Variants in TTLL11 observed in about 807,000 individuals in gnomAD.
The protein encoded by TTLL11 is tubulin tyrosine ligase like 11.
A neutral mutation model predicts 51.7 loss-of-function variants in TTLL11; 42 were observed. The ratio of observed to expected loss-of-function variants is 0.81; its 90% confidence interval spans 0.64 to 1.05. TTLL11 has a LOEUF of 1.05. Among genes scored for constraint, TTLL11 ranks in the 50% least tolerant of loss-of-function variants. The probability of loss-of-function intolerance (pLI) is 0.00; values close to 1 mark genes in which losing one functional copy is unlikely to be tolerated. For missense variants in TTLL11, 799 were observed against 940.4 expected (o/e 0.85, Z 1.97); for synonymous variants, 381 against 383.5 (o/e 0.99, Z 0.08).
chr9:121,883,521 C>A (rs1435306127), intron 6 of TTLL11, among the ~76,000 whole-genome samples: 1 of 152,168 alleles, frequency 6.6e-6, no homozygotes, highest in Non-Finnish European at 1.5e-5. Flanking sequence ...GAACTCTGGT[C>A]CTATCAAGAT....
At chr9:121,911,856 A>G (rs1840132998) in intron 6 of TTLL11, among the ~76,000 whole-genome samples, 1 of 152,174 alleles carries the variant, frequency 6.6e-6, no homozygotes, top group Non-Finnish European at 1.5e-5. Context: ...GGTGCAGCAA[A>G]TCACCATGGC....
chr9:122,063,160 A>G (rs1052423434), intron 1 of TTLL11, among the ~76,000 whole-genome samples: 10 of 152,366 alleles, frequency 6.6e-5, no homozygotes, highest in Admixed American at 2.0e-4. Flanking sequence ...CCAAAAACTT[A>G]TAACAATGTG....
intron 3 of TTLL11, among the ~76,000 whole-genome samples, chr9:121,999,327 TCATACA>T (rs768021371): frequency 3.9e-5 from 6 of 152,172 alleles, no homozygotes; most frequent in Non-Finnish European, 7.4e-5. Flanking sequence ...GGCTCCAGAC[TCATACA>T]ATGAGATATG....
At chr9:121,949,906 T>C (rs1026091884) in intron 6 of TTLL11, among the ~76,000 whole-genome samples, 2 of 152,074 alleles carry the variant, frequency 1.3e-5, no homozygotes, top group African/African-American at 2.4e-5. Context: ...CCAGGCAACA[T>C]GTCTGGGTCT....
At chr9:122,092,405 G>A (rs1200738029) in intron 1 of TTLL11, among the ~76,000 whole-genome samples, 1 of 152,162 alleles carries the variant, frequency 6.6e-6, no homozygotes, top group Admixed American at 6.5e-5. Context: ...TCTACAAGCA[G>A]AGGCAAATGC....
At chr9:121,857,583 T>C (rs1837867405) in intron 8 of TTLL11, among the ~76,000 whole-genome samples, 1 of 152,356 alleles carries the variant, frequency 6.6e-6, no homozygotes, top group Non-Finnish European at 1.5e-5. Flanking sequence ...CTATTCCACC[T>C]GGTGATGACT....
At chr9:122,031,579 G>A (rs1415338560) in intron 3 of TTLL11, 144 bp downstream of exon 3, 11 of 914,172 alleles carry the variant, frequency 1.2e-5, no homozygotes, top group Non-Finnish European at 1.7e-5. Context: ...TTTGATAGCT[G>A]CCAACACCTA....
intron 8 of TTLL11, among the ~76,000 whole-genome samples, chr9:121,856,906 C>A (rs1241110067): frequency 6.6e-6 from 1 of 152,204 alleles, no homozygotes; most frequent in Non-Finnish European, 1.5e-5. Context: ...GACCACTTAA[C>A]CACAGACTGC....
At chr9:122,002,960 A>AG (rs1843520826) in intron 3 of TTLL11, among the ~76,000 whole-genome samples, 1 of 150,154 alleles carries the variant, frequency 6.7e-6, no homozygotes, top group Admixed American at 6.6e-5. Context: ...AAAAAAAAAA[A>AG]AAAAGAGATC....
At chr9:121,904,638 C>G (rs750805119) in intron 6 of TTLL11, among the ~76,000 whole-genome samples, 17 of 152,244 alleles carry the variant, frequency 1.1e-4, no homozygotes, top group Non-Finnish European at 7.3e-5. Flanking sequence ...AAACCTCAGG[C>G]TCTAGTAGCT....
chr9:122,031,335 C>T (rs971430297), intron 3 of TTLL11, among the ~76,000 whole-genome samples: 1 of 152,200 alleles, frequency 6.6e-6, no homozygotes, highest in Non-Finnish European at 1.5e-5. Flanking sequence ...CAGAGCCTGA[C>T]CTCCCACATC....
At chr9:122,071,712 C>G (rs1460209922) in intron 1 of TTLL11, among the ~76,000 whole-genome samples, 2 of 152,176 alleles carry the variant, frequency 1.3e-5, no homozygotes, top group African/African-American at 4.8e-5. Context: ...TGATCAGGTA[C>G]CTGGCCTGAA....
Position 121,832,462 on chromosome 9 carries a change from T to C in TTLL11, c.1841-9583A>G, listed in dbSNP as rs78323126. Among the ~76,000 whole-genome samples, 18 of 152,360 alleles carry C rather than the reference T, an allele frequency of 1.2e-4. No individual in the cohort carries two copies. The East Asian group carries it at 3.5e-3, about 29-fold the overall frequency. On this transcript the variant is annotated intron_variant, in intron 8 of 8. Transcript: ENST00000321582. ...ATTCATATTTATTTAGCCCTCATTA[T>C]GTAGAAGGCCCTGGATTGTGGGGTG...
At chr9:122,047,828 T>C (rs888899112) in intron 1 of TTLL11, among the ~76,000 whole-genome samples, 1 of 152,182 alleles carries the variant, frequency 6.6e-6, no homozygotes, top group African/African-American at 2.4e-5. Flanking sequence ...TATGCATTTC[T>C]AGGGCTAGGG....
intron 6 of TTLL11, among the ~76,000 whole-genome samples, chr9:121,914,140 G>T (rs556131685): frequency 1.3e-5 from 2 of 152,340 alleles, no homozygotes; most frequent in Admixed American, 1.3e-4. Context: ...ATATGAAGGA[G>T]TTGACAAGCT....
At chr9:122,060,013 G>A (rs561075219) in intron 1 of TTLL11, among the ~76,000 whole-genome samples, 1 of 152,204 alleles carries the variant, frequency 6.6e-6, no homozygotes. Context: ...TGACTGGCTG[G>A]AATGCATCTC....
chr9:121,895,992 TTGTGTGAG>T (rs1168682445), intron 6 of TTLL11, among the ~76,000 whole-genome samples: 1 of 76,920 alleles, frequency 1.3e-5, no homozygotes, highest in Non-Finnish European at 2.8e-5. Flanking sequence ...GGTGGGTGTT[TTGTGTGAG>T]TGTGTATGTG....
rs184199877 is a variant in TTLL11 at position 121,938,831 on chromosome 9, G to A, written c.1481+35178C>T. ...TGGCAAGAAAGTTGGCAATGGAAAT[G>A]CTCATATAAACTGGTGGGAGTGTAG... On this transcript the variant is annotated intron_variant, in intron 6 of 8. Coordinates refer to ENST00000321582, the MANE Select transcript of TTLL11 (RefSeq NM_001139442.2). Among the ~76,000 whole-genome samples, 151 of 152,316 alleles carry A rather than the reference G, an allele frequency of 9.9e-4. 2 individuals carry two copies. The highest frequency in any genetic ancestry group is 3.5e-3 in the African/African-American group (144 of 41,574).
In TTLL11 at chr9:122,019,749, G is replaced by A. The variant is rs545348710; in HGVS notation, c.693+11974C>T. On this transcript the variant is annotated intron_variant, in intron 3 of 8. Coordinates refer to ENST00000321582, the MANE Select transcript of TTLL11 (RefSeq NM_001139442.2). ...TACAGGCATGATACGGTTTGGCTGT[G>A]TCCCCACCCAAATCTTATCTTGAAT... Among the ~76,000 whole-genome samples, 86 of 152,266 alleles carry A rather than the reference G, an allele frequency of 5.6e-4. 2 individuals are homozygous for A. The highest frequency in any genetic ancestry group is 1.9e-3 in the African/African-American group (80 of 41,550).
Sources: allele counts gnomAD v4.1 joint callset (sites outside exome capture counted in the v4.1 genomes callset), GRCh38; gene constraint gnomAD v4.1.1; transcripts MANE v1.5; gene names NCBI Gene and HGNC (gene_info 2026-07-23, HGNC 2026-07-21).